The following SUPT3H variants were observed in gnomAD, a reference collection of about 807,000 sequenced individuals.
SUPT3H encodes the protein SPT3 homolog, SAGA and STAGA complex component.
A neutral mutation model predicts 44.3 loss-of-function variants in SUPT3H; 44 were observed. The observed-to-expected ratio is 0.99, with a 90% CI of 0.78 to 1.28. The LOEUF is 1.28. Ranked by LOEUF, SUPT3H falls within the 50% of genes most tolerant of loss-of-function variation. The pLI is 0.00. For synonymous variants in SUPT3H, 124 were observed against 125.6 expected (o/e 0.99, Z 0.09); for missense variants, 380 against 387.1 (o/e 0.98, Z 0.15).
intron 10 of SUPT3H, 78 bp from the exon 11 acceptor site, chr6:44,829,935 C>G: frequency 4.5e-6 from 6 of 1,342,346 alleles, no homozygotes; most frequent in Non-Finnish European, 4.3e-6. Context: ...CAAGCAGAGC[C>G]CTCTTCCTGT....
At chr6:45,233,324 G>A (rs1428885256) in intron 2 of SUPT3H, among the ~76,000 whole-genome samples, 3 of 152,144 alleles carry the variant, frequency 2.0e-5, no homozygotes, top group Non-Finnish European at 1.5e-5. Context: ...CTGTGGTCCC[G>A]AAGACAGGAT....
intron 2 of SUPT3H, among the ~76,000 whole-genome samples, chr6:45,296,174 C>T (rs1308051009): frequency 1.3e-4 from 14 of 110,644 alleles, no homozygotes; most frequent in African/African-American, 4.4e-4. Flanking sequence ...TACATATATA[C>T]ATACACATAC....
intron 2 of SUPT3H, among the ~76,000 whole-genome samples, chr6:45,264,620 T>C (rs1189427038): frequency 6.6e-6 from 1 of 152,200 alleles, no homozygotes; most frequent in Non-Finnish European, 1.5e-5. Context: ...TCATCAGCTA[T>C]ACCAACCCTA....
At chr6:44,823,835 C>T (rs940040446), downstream of SUPT3H, among the ~76,000 whole-genome samples, 3 of 152,082 alleles carry the variant, frequency 2.0e-5, no homozygotes, top group East Asian at 1.9e-4. Flanking sequence ...TGGTGGCAGG[C>T]GCCTGTAATC....
At chr6:44,976,510 C>A (rs901060379) in intron 6 of SUPT3H, among the ~76,000 whole-genome samples, 3 of 152,028 alleles carry the variant, frequency 2.0e-5, no homozygotes, top group Non-Finnish European at 2.9e-5. Flanking sequence ...TACAGGTGAC[C>A]ACAACCATGC....
chr6:45,002,057 G>A (rs1016928520), intron 6 of SUPT3H, among the ~76,000 whole-genome samples: 1 of 152,024 alleles, frequency 6.6e-6, no homozygotes, highest in Non-Finnish European at 1.5e-5. Context: ...AAAGCTTAAC[G>A]AAGTTGCCAG....
intron 2 of SUPT3H, among the ~76,000 whole-genome samples, chr6:45,170,879 T>G (rs1453424349): frequency 6.6e-6 from 1 of 152,212 alleles, no homozygotes; most frequent in Non-Finnish European, 1.5e-5. Context: ...AACTTAATTC[T>G]GTGATATCAT....
chr6:45,128,557 T>TATATATATATATAC (rs1280920129), intron 2 of SUPT3H, among the ~76,000 whole-genome samples: 4 of 56,738 alleles, frequency 7.0e-5, no homozygotes, highest in East Asian at 4.5e-4. Flanking sequence ...TATATATATA[T>TATATATATATATAC]ACACACACAC....
chr6:44,819,540 G>A (rs1469494051), intron 11 of SUPT3H, among the ~76,000 whole-genome samples: 3 of 148,590 alleles, frequency 2.0e-5, no homozygotes, highest in Non-Finnish European at 3.0e-5. Context: ...GCCTATAATC[G>A]CAGTACTTTG....
At chr6:45,235,584 A>G (rs1027961470) in intron 2 of SUPT3H, among the ~76,000 whole-genome samples, 7 of 152,174 alleles carry the variant, frequency 4.6e-5, no homozygotes, top group African/African-American at 1.7e-4. Context: ...ACAAACACAC[A>G]CGCGCATTTA....
intron 2 of SUPT3H, among the ~76,000 whole-genome samples, chr6:45,108,329 T>C (rs1245459275): frequency 6.6e-6 from 1 of 152,156 alleles, no homozygotes; most frequent in East Asian, 1.9e-4. Flanking sequence ...ACAAAAGAAA[T>C]TAGCCAGGCA....
chr6:44,855,262 T>C (rs139278650), intron 10 of SUPT3H, among the ~76,000 whole-genome samples: 23 of 152,280 alleles, frequency 1.5e-4, no homozygotes, highest in African/African-American at 5.3e-4. Context: ...GTCCCATCTC[T>C]TGGGCTGGCC....
At chr6:45,138,978 C>A (rs1804749525) in intron 2 of SUPT3H, among the ~76,000 whole-genome samples, 1 of 152,130 alleles carries the variant, frequency 6.6e-6, no homozygotes, top group African/African-American at 2.4e-5. Context: ...CCCCTAGTGA[C>A]TGACATGTTT....
At chr6:45,151,943 GT>G (rs1807027479) in intron 2 of SUPT3H, among the ~76,000 whole-genome samples, 1 of 151,992 alleles carries the variant, frequency 6.6e-6, no homozygotes, top group Non-Finnish European at 1.5e-5. Context: ...TTCTCTTTCT[GT>G]TCTTGTAACA....
chr6:45,130,137 A>G (rs972911909), intron 2 of SUPT3H, among the ~76,000 whole-genome samples: 2 of 152,160 alleles, frequency 1.3e-5, no homozygotes, highest in Non-Finnish European at 2.9e-5. Context: ...ATATTTCATC[A>G]ACCCAAAAAG....
chr6:45,161,260 A>G (rs570208852), intron 2 of SUPT3H, among the ~76,000 whole-genome samples: 64 of 152,240 alleles, frequency 4.2e-4, no homozygotes, highest in African/African-American at 1.5e-3. Flanking sequence ...ACAGACTAAC[A>G]CAGTAATGTT....
intron 10 of SUPT3H, among the ~76,000 whole-genome samples, chr6:44,905,858 G>A (rs572069573): frequency 6.6e-6 from 1 of 152,286 alleles, no homozygotes; most frequent in Admixed American, 6.5e-5. Flanking sequence ...AAAATGATGA[G>A]TGCATGTCCT....
At chr6:44,929,531 T>C (rs1770192128) in intron 10 of SUPT3H, among the ~76,000 whole-genome samples, 1 of 152,232 alleles carries the variant, frequency 6.6e-6, no homozygotes. Flanking sequence ...ATTTATGAAG[T>C]ACATTTTACA....
chr6:45,203,140 T>C (rs1367768374), intron 2 of SUPT3H, among the ~76,000 whole-genome samples: 1 of 152,138 alleles, frequency 6.6e-6, no homozygotes, highest in Non-Finnish European at 1.5e-5. Flanking sequence ...GTCATTTAAG[T>C]GGATAGAGAA....
Sources: allele counts gnomAD v4.1 joint callset (sites outside exome capture counted in the v4.1 genomes callset), GRCh38; gene constraint gnomAD v4.1.1; transcripts MANE v1.5; gene names NCBI Gene and HGNC (gene_info 2026-07-23, HGNC 2026-07-21).